CCDC152: variants seen among roughly 807,000 people sequenced by gnomAD.
CCDC152 encodes the protein coiled-coil domain-containing protein 152.
In CCDC152, 37 loss-of-function variants were observed where a neutral mutation model predicts 38.1. That is an observed-to-expected ratio of 0.97 (90% CI 0.75 to 1.28). CCDC152 has a LOEUF of 1.28. Ranked by LOEUF, CCDC152 falls within the 50% of genes most tolerant of loss-of-function variation. The pLI, the probability that CCDC152 is intolerant of heterozygous loss-of-function variation, is 0.00. For missense variants in CCDC152, 259 were observed against 292.1 expected, an observed-to-expected ratio of 0.89 and a Z score of 0.83; for synonymous variants, 83 against 87.1, an observed-to-expected ratio of 0.95 and a Z score of 0.26.
At chr5:42,793,322 T>A (rs1760030408) in intron 6 of CCDC152, among the ~76,000 whole-genome samples, 1 of 152,154 alleles carries the variant, frequency 6.6e-6, no homozygotes, top group Admixed American at 6.5e-5. Context: ...GGGCTCCTTT[T>A]GAAGTGATAG....
In CCDC152 at chr5:42,772,748, T is replaced by C. The variant is rs144767787; in HGVS notation, c.262+3083T>C. ...ATTGAGTTCACTTTCCCAATGCTTT[T>C]ACAAGCCTTGATTGAGCAAGGTAAT... On this transcript the variant is annotated intron_variant, in intron 4 of 8. Transcript: ENST00000361970. 1.2e-4 allele frequency among the ~76,000 whole-genome samples: 19 copies of C among 152,360 alleles called. 1 individual carries two copies. The East Asian group carries it at 3.7e-3, about 29-fold the overall frequency.
rs547094443 is a variant in CCDC152, at chr5:42,769,077, G to A, written c.194-520G>A. The stretch of plus-strand genomic sequence containing the variant: ...CGCATGGCCAACATGGTGAAACGCC[G>A]TCTCTACAAAAATATACAAAAACTA... On this transcript the variant is annotated intron_variant, in intron 3 of 8. Transcript: ENST00000361970. Among the ~76,000 whole-genome samples, 37 of 152,010 alleles carry A rather than the reference G, an allele frequency of 2.4e-4. 1 individual carries two copies. In the South Asian group the frequency reaches 6.4e-3, roughly 26 times the overall value.
At chr5:42,772,649 C>CATAAAA (rs1759715292) in intron 4 of CCDC152, among the ~76,000 whole-genome samples, 1 of 128,436 alleles carries the variant, frequency 7.8e-6, no homozygotes, top group African/African-American at 3.0e-5. Flanking sequence ...GACTCCGTCT[C>CATAAAA]AAAAAAAAAA....
At chr5:42,779,433 A>G (rs2111562872) in intron 4 of CCDC152, 25 bp from the exon 5 acceptor site, 2 of 1,267,458 alleles carry the variant, frequency 1.6e-6, no homozygotes, top group Non-Finnish European at 1.1e-6. Flanking sequence ...ATATATTATG[A>G]TGTTCTTTGA....
At chr5:42,770,080 G>T (rs765198646) in intron 4 of CCDC152, among the ~76,000 whole-genome samples, 6 of 152,140 alleles carry the variant, frequency 3.9e-5, no homozygotes, top group Non-Finnish European at 8.8e-5. Flanking sequence ...CTATATTTGT[G>T]CAAGTGAAGT....
chr5:42,776,744 A>G (rs1032986033), intron 4 of CCDC152, among the ~76,000 whole-genome samples: 1 of 152,240 alleles, frequency 6.6e-6, no homozygotes, highest in Non-Finnish European at 1.5e-5. Flanking sequence ...ATTAAAGTAG[A>G]CATCAAAAAC....
chr5:42,796,990 A>C, intron 7 of CCDC152, 34 bp downstream of exon 7: 1 of 1,417,770 alleles, frequency 7.1e-7, no homozygotes. Flanking sequence ...ACTTGAGGAC[A>C]CATCCCTTAG....
At chr5:42,779,959 A>G (rs1467834304) in intron 5 of CCDC152, among the ~76,000 whole-genome samples, 1 of 152,056 alleles carries the variant, frequency 6.6e-6, no homozygotes, top group Non-Finnish European at 1.5e-5. Flanking sequence ...TTTCATGTGG[A>G]TCACAAATTA....
chr5:42,765,768 G>A (rs1179286478), intron 3 of CCDC152, among the ~76,000 whole-genome samples: 2 of 152,080 alleles, frequency 1.3e-5, no homozygotes, highest in African/African-American at 2.4e-5. Flanking sequence ...AAATCAAAAT[G>A]GATTAAAAAC....
chr5:42,801,639 G>A lies in CCDC152; in HGVS notation c.*1858G>A, dbSNP rs896311049. 23 of 377,728 alleles carry A rather than the reference G, an allele frequency of 6.1e-5. No individual in the cohort carries two copies. The highest frequency in any genetic ancestry group is 6.8e-4 in the Middle Eastern group (1 of 1,474). The allele number at this position is 377,728 out of a possible 1,614,324, so 23.4% of individuals were successfully genotyped here. A position where few individuals can be genotyped will look rare whatever the true frequency, so the allele number is the denominator to read the frequency against. On this transcript the variant is annotated 3_prime_UTR_variant, in exon 9 of 9. Coordinates refer to ENST00000361970, the MANE Select transcript of CCDC152 (RefSeq NM_001134848.2). ...ATCCTAAATTCAGTTGATCTGGGCC[G>A]AGCATGGTGGCTCATGCCTGTAATC...
In CCDC152 at chr5:42,799,990, G is replaced by A. The variant is rs1304763904; in HGVS notation, c.*209G>A. 1.9e-6 allele frequency: 1 copy of A among 530,896 alleles called. No homozygotes were observed. Among genetic ancestry groups the A allele is most frequent in the East Asian group, 3.4e-5 (1 of 29,010 alleles). 32.9% of individuals were successfully genotyped at this position (530,896 alleles called of 1,614,324 possible). Reference sequence around the variant, plus strand: ...CCATAAAGGAGGTCAGGTTTATAGGGTTTGGTTTACCTATTAAACCATCAT... The same window carrying A: ...CCATAAAGGAGGTCAGGTTTATAGGATTTGGTTTACCTATTAAACCATCAT... On this transcript the variant is annotated 3_prime_UTR_variant, in exon 9 of 9. Coordinates refer to ENST00000361970, the MANE Select transcript of CCDC152 (RefSeq NM_001134848.2).
At chr5:42,783,904 T>C (rs887482232) in intron 6 of CCDC152, among the ~76,000 whole-genome samples, 3 of 152,184 alleles carry the variant, frequency 2.0e-5, no homozygotes, top group African/African-American at 7.2e-5. Flanking sequence ...TCCAACCATG[T>C]TGGCAAATAA....
intron 6 of CCDC152, among the ~76,000 whole-genome samples, chr5:42,788,035 G>C (rs1579719421): frequency 6.6e-6 from 1 of 152,128 alleles, no homozygotes; most frequent in Non-Finnish European, 1.5e-5. Flanking sequence ...TAGGATCTGT[G>C]AACTTTGTAC....
chr5:42,794,661 C>G (rs1245519726), intron 6 of CCDC152, among the ~76,000 whole-genome samples: 1 of 152,194 alleles, frequency 6.6e-6, no homozygotes, highest in African/African-American at 2.4e-5. Context: ...GTGGAGATTT[C>G]TCTTACGGCT....
In CCDC152 at chr5:42,800,936, T is replaced by C; in HGVS notation, c.*1155T>C. The C allele has an allele frequency of 6.2e-7, 1 of 1,614,242 alleles. No homozygotes were observed. The highest frequency in any genetic ancestry group is 1.3e-5 in the African/African-American group (1 of 75,070). On this transcript the variant is annotated 3_prime_UTR_variant, in exon 9 of 9. Transcript: ENST00000361970. ...GTCAGGTGATTGCAGACCCTGTTTT[T>C]TCAAATATCAGATGTCGACAATGGC...
In CCDC152 at chr5:42,772,421, C is replaced by T. The variant is rs538197648; in HGVS notation, c.262+2756C>T. ...AAGTTTTAAAATAGCCTTTCTTGGC[C>T]GGGCGCTGTGGCTCACGCCTGTAAT... On this transcript the variant is annotated intron_variant, in intron 4 of 8. Coordinates refer to ENST00000361970, the MANE Select transcript of CCDC152 (RefSeq NM_001134848.2). Among the ~76,000 whole-genome samples, 4 of 152,158 alleles carry T rather than the reference C, an allele frequency of 2.6e-5. 1 individual carries two copies. Among genetic ancestry groups the T allele is most frequent in the African/African-American group, 7.2e-5 (3 of 41,524 alleles).
intron 5 of CCDC152, among the ~76,000 whole-genome samples, chr5:42,780,101 C>T (rs1759824239): frequency 6.6e-6 from 1 of 152,150 alleles, no homozygotes; most frequent in Non-Finnish European, 1.5e-5. Flanking sequence ...AATGTCAGTT[C>T]CCTCTGCTCT....
chr5:42,757,342 A>T (rs987212806), intron 1 of CCDC152, among the ~76,000 whole-genome samples: 1 of 152,146 alleles, frequency 6.6e-6, no homozygotes, highest in Admixed American at 6.5e-5. Context: ...CGAAGGACCA[A>T]CTGTGTGGGG....
In CCDC152 at chr5:42,779,505, T is replaced by G. The variant is rs1759813925; in HGVS notation, c.310T>G (p.Leu104Val). 1 of 1,514,674 alleles carries G rather than the reference T, an allele frequency of 6.6e-7. No homozygotes were observed. The highest frequency in any genetic ancestry group is 9.0e-7 in the Non-Finnish European group (1 of 1,113,732). The allele number at this position is 1,514,674 out of a possible 1,614,324, so 93.8% of individuals were successfully genotyped here. A position where few individuals can be genotyped will look rare whatever the true frequency, so the allele number is the denominator to read the frequency against. The stretch of plus-strand genomic sequence containing the variant: ...AAGTGCTGATCTTATAAAAGAGAAG[T>G]TAAAGTCTCATGAACAGGTGAGTTT... ...KISADLIKEK[L>V]KSHEQEYKNN... The change falls in exon 5 of 9, where the codon TTA becomes GTA. Residue 104 changes from leucine (L) to valine (V), a missense_variant. By Grantham distance (32) the Leu-to-Val change is conservative. Transcript: ENST00000361970.
Sources: allele counts gnomAD v4.1 joint callset (sites outside exome capture counted in the v4.1 genomes callset), GRCh38; gene constraint gnomAD v4.1.1; transcripts MANE v1.5; gene names NCBI Gene and HGNC (gene_info 2026-07-23, HGNC 2026-07-21).